CHSY3: variants seen among roughly 807,000 people sequenced by gnomAD.
CHSY3 encodes chondroitin sulfate synthase 3.
A neutral mutation model predicts 67.2 loss-of-function variants in CHSY3; 35 were observed. That is an observed-to-expected ratio of 0.52 (90% CI 0.40 to 0.69). The LOEUF (loss-of-function observed/expected upper bound fraction) is 0.69. CHSY3 is among the 30% of genes least tolerant of loss of function. CHSY3 has a pLI of 0.00. For missense variants in CHSY3, 1,069 were observed against 1,138.5 expected (o/e 0.94, Z 0.88); for synonymous variants, 474 against 434.7 (o/e 1.09, Z -1.12).
At chr5:130,135,279 T>TAA (rs1420922585) in intron 2 of CHSY3, among the ~76,000 whole-genome samples, 1 of 151,692 alleles carries the variant, frequency 6.6e-6, no homozygotes, top group East Asian at 1.9e-4. Context: ...TGTATATATA[T>TAA]ATATACACAC....
In CHSY3 at chr5:130,167,529, A is replaced by G. The variant is rs76476536; in HGVS notation, c.1087-16700A>G. 5.7e-3 allele frequency among the ~76,000 whole-genome samples: 875 copies of G among 152,274 alleles called. 5 individuals are homozygous for G. Among genetic ancestry groups the G allele is most frequent in the East Asian group, 0.034 (176 of 5,178 alleles). On this transcript the variant is annotated intron_variant, in intron 2 of 2. Coordinates refer to ENST00000305031, the MANE Select transcript of CHSY3 (RefSeq NM_175856.5). ...AAAAGGAGATCTGGAATCTATAGTCAGGAAGAAACCTAAGTTATTTCAAGC... is the reference window on the plus strand; with the variant it reads ...AAAAGGAGATCTGGAATCTATAGTCGGGAAGAAACCTAAGTTATTTCAAGC...
intron 2 of CHSY3, among the ~76,000 whole-genome samples, chr5:129,937,587 C>T (rs1288737734): frequency 6.6e-6 from 1 of 151,998 alleles, no homozygotes; most frequent in Non-Finnish European, 1.5e-5. Context: ...CTCAAAAGTC[C>T]AAGTCCAATG....
At position 129,930,513 on chromosome 5, in the gene CHSY3, G is replaced by GC. The variant is rs201396499; in HGVS notation, c.1086+22153_1086+22154insC. On this transcript the variant is annotated intron_variant, in intron 2 of 2. Coordinates refer to ENST00000305031, the MANE Select transcript of CHSY3 (RefSeq NM_175856.5). ...TTAAAAGGAGGCATCACTGGCGGGG[G>GC]GGGGGTATGAAGTTTTGCCTGGAGG... Among the ~76,000 whole-genome samples the GC allele has an allele frequency of 5.3e-3, 789 of 147,602 alleles. 16 individuals are homozygous for GC. The highest frequency in any genetic ancestry group is 0.019 in the African/African-American group (767 of 40,310).
At position 129,905,278 on chromosome 5, in the gene CHSY3, C is replaced by G; in HGVS notation, c.449C>G (p.Pro150Arg). ...GCTGGGCAGCGGAGAGACGGCCGGCCGGGGAGTAGCCACAACGGCAGCGGG... is the reference window on the plus strand; with the variant it reads ...GCTGGGCAGCGGAGAGACGGCCGGCGGGGGAGTAGCCACAACGGCAGCGGG... Reference protein sequence around the residue: ...GAAGQRRDGRPGSSHNGSGDG... With the variant: ...GAAGQRRDGRRGSSHNGSGDG... Residue 150 changes from proline to arginine, a missense_variant, in exon 1 of 3, where the codon CCG (proline) becomes CGG (arginine). Around this residue, in one of 5 missense-constraint regions of CHSY3, gnomAD observed 309 missense variants for 262.5 expected, o/e 1.18. Transcript: ENST00000305031. 6.8e-7 allele frequency: 1 copy of G among 1,461,904 alleles called. No homozygotes were observed. The highest frequency in any genetic ancestry group is 1.4e-5 in the South Asian group (1 of 72,716). 90.6% of individuals were successfully genotyped at this position (1,461,904 alleles called of 1,614,324 possible).
intron 2 of CHSY3, among the ~76,000 whole-genome samples, chr5:130,176,660 G>A (rs1260381582): frequency 2.0e-5 from 3 of 152,172 alleles, no homozygotes; most frequent in Non-Finnish European, 4.4e-5. Flanking sequence ...ATACTATGCA[G>A]CCATAAAAAA....
chr5:130,167,014 G>T (rs184706324), intron 2 of CHSY3, among the ~76,000 whole-genome samples: 1 of 152,188 alleles, frequency 6.6e-6, no homozygotes, highest in East Asian at 1.9e-4. Context: ...ACTTATTCAA[G>T]ACTACTACAA....
chr5:129,985,184 G>T (rs1406531621), intron 2 of CHSY3, among the ~76,000 whole-genome samples: 1 of 152,064 alleles, frequency 6.6e-6, no homozygotes, highest in Non-Finnish European at 1.5e-5. Flanking sequence ...AATTAATCTT[G>T]AGTTGGTTTT....
rs897717117 is a variant in CHSY3, at chr5:129,936,745, G to A, written c.1086+28385G>A. ...CCCCATGTAAGAATGGGGTATAGAC[G>A]ATGACAGTACAGAAAAATATTAAAA... On this transcript the variant is annotated intron_variant, in intron 2 of 2. Coordinates refer to ENST00000305031, the MANE Select transcript of CHSY3 (RefSeq NM_175856.5). Among the ~76,000 whole-genome samples the A allele has an allele frequency of 3.3e-5, 5 of 152,262 alleles. No homozygotes were observed. The South Asian group carries it at 8.3e-4, about 25-fold the overall frequency.
Position 130,016,863 on chromosome 5 carries a change from A to G in CHSY3, c.1086+108503A>G, listed in dbSNP as rs974784563. ...ATTTTGTTTAGTGGCAATGGACCCC[A>G]CCACTTTAAAGCCTTTTGAGATAGT... is the stretch of plus-strand genomic sequence containing the variant. On this transcript the variant is annotated intron_variant, in intron 2 of 2. Transcript: ENST00000305031. 6.6e-5 allele frequency among the ~76,000 whole-genome samples: 10 copies of G among 152,200 alleles called. No individual in the cohort carries two copies. In the South Asian group the frequency reaches 1.2e-3, roughly 19 times the overall value.
chr5:130,098,168 A>G (rs759262673), intron 2 of CHSY3, among the ~76,000 whole-genome samples: 125 of 152,156 alleles, frequency 8.2e-4, no homozygotes, highest in Non-Finnish European at 1.3e-3. Flanking sequence ...CATCCCTTGA[A>G]GTATCCCTCA....
At chr5:129,971,820 A>T (rs1762647442) in intron 2 of CHSY3, among the ~76,000 whole-genome samples, 1 of 152,050 alleles carries the variant, frequency 6.6e-6, no homozygotes, top group African/African-American at 2.4e-5. Context: ...CACTGAACTG[A>T]GAACTAGAGA....
At chr5:130,119,180 G>A (rs982850881) in intron 2 of CHSY3, among the ~76,000 whole-genome samples, 1 of 152,108 alleles carries the variant, frequency 6.6e-6, no homozygotes, top group African/African-American at 2.4e-5. Context: ...TAGTAGGCCC[G>A]AGGTTGCATT....
intron 2 of CHSY3, among the ~76,000 whole-genome samples, chr5:130,131,264 A>T (rs1768475615): frequency 6.6e-6 from 1 of 152,102 alleles, no homozygotes; most frequent in African/African-American, 2.4e-5. Flanking sequence ...AATTTCCCCT[A>T]AAGTATCTAA....
chr5:130,070,927 C>T (rs531448398), intron 2 of CHSY3, among the ~76,000 whole-genome samples: 2 of 152,060 alleles, frequency 1.3e-5, no homozygotes, highest in South Asian at 2.1e-4. Flanking sequence ...TTTTATGTTC[C>T]TTTTTATTTG....
chr5:130,006,549 T>C (rs553757205), intron 2 of CHSY3, among the ~76,000 whole-genome samples: 38 of 152,266 alleles, frequency 2.5e-4, no homozygotes, highest in African/African-American at 9.1e-4. Flanking sequence ...ACTCAGAATA[T>C]ATAAACTATT....
chr5:130,059,313 G>A (rs185405685), intron 2 of CHSY3, among the ~76,000 whole-genome samples: 39 of 152,142 alleles, frequency 2.6e-4, no homozygotes, highest in African/African-American at 5.5e-4. Context: ...CCAGCCTGCC[G>A]TGTGGATTTC....
At chr5:130,152,284 T>C (rs577607668) in intron 2 of CHSY3, among the ~76,000 whole-genome samples, 9 of 152,210 alleles carry the variant, frequency 5.9e-5, no homozygotes, top group Non-Finnish European at 8.8e-5. Flanking sequence ...TAATCAAAAT[T>C]GTTGACTTTC....
At chr5:129,945,904 C>G (rs191448585) in intron 2 of CHSY3, among the ~76,000 whole-genome samples, 6 of 151,846 alleles carry the variant, frequency 4.0e-5, no homozygotes, top group African/African-American at 1.2e-4. Context: ...TCTTTTTTCT[C>G]TTTTTTTTAT....
At chr5:130,006,825 A>G (rs75821256) in intron 2 of CHSY3, among the ~76,000 whole-genome samples, 1,640 of 152,324 alleles carry the variant, frequency 0.011, 31 homozygotes, top group African/African-American at 0.038. Flanking sequence ...CTAATCCCAT[A>G]TAGATACAAT....
Sources: gnomAD v4.1 joint callset for allele counts (sites outside exome capture counted in the v4.1 genomes callset) on GRCh38, gnomAD v4.1.1 for gene constraint, gnomAD v4.1.1 regional missense constraint, MANE v1.5 for transcripts, NCBI Gene and HGNC (gene_info 2026-07-23, HGNC 2026-07-21) for gene names.